MAGI1: variants seen among roughly 807,000 people sequenced by gnomAD.
MAGI1 encodes the protein membrane associated guanylate kinase, WW and PDZ domain containing 1.
In MAGI1, 58 loss-of-function variants were observed where a neutral mutation model predicts 139.9. The observed-to-expected ratio is 0.41, with a 90% CI of 0.34 to 0.52. MAGI1 has a LOEUF of 0.52. Among genes scored for constraint, MAGI1 ranks in the 20% least tolerant of loss-of-function variants. The probability of loss-of-function intolerance (pLI) is 0.12; values close to 1 mark genes in which losing one functional copy is unlikely to be tolerated. For synonymous variants in MAGI1, 812 were observed against 737.9 expected (o/e 1.10, Z -1.63); for missense variants, 1,874 against 1,901.6 (o/e 0.99, Z 0.27).
intron 6 of MAGI1, chr3:65,448,306 G>A: frequency 5.2e-6 from 3 of 577,300 alleles, no homozygotes; most frequent in Non-Finnish European, 9.3e-6. Context: ...GTCAAAATAG[G>A]ATTTGATTGG....
At chr3:65,623,849 C>T (rs913221292) in intron 1 of MAGI1, among the ~76,000 whole-genome samples, 6 of 151,892 alleles carry the variant, frequency 4.0e-5, no homozygotes, top group Non-Finnish European at 5.9e-5. Context: ...TTCAAGTCAC[C>T]GAAAGGAAAA....
At chr3:65,460,321 T>C (rs1420776173) in intron 5 of MAGI1, among the ~76,000 whole-genome samples, 1 of 152,210 alleles carries the variant, frequency 6.6e-6, no homozygotes, top group Non-Finnish European at 1.5e-5. Context: ...TTTTGTACTG[T>C]GTTTAGTTTT....
chr3:65,684,167 CAAAAAAAAAA>C (rs1163089641), intron 1 of MAGI1, among the ~76,000 whole-genome samples: 1 of 79,414 alleles, frequency 1.3e-5, no homozygotes, highest in Non-Finnish European at 2.4e-5. Flanking sequence ...GAGACTGTCT[CAAAAAAAAAA>C]AAAAAAAAAG....
intron 2 of MAGI1, among the ~76,000 whole-genome samples, chr3:65,544,030 T>C (rs963027302): frequency 3.3e-5 from 5 of 152,100 alleles, no homozygotes; most frequent in African/African-American, 9.7e-5. Flanking sequence ...CATATGAGTA[T>C]ATATGGGGAA....
intron 1 of MAGI1, among the ~76,000 whole-genome samples, chr3:65,826,888 T>C (rs548163443): frequency 3.9e-5 from 6 of 152,156 alleles, no homozygotes; most frequent in African/African-American, 1.4e-4. Context: ...CCTTTAAAAA[T>C]AAATAAAAGG....
Position 65,753,010 on chromosome 3 carries a change from C to A in MAGI1, c.314-130922G>T, listed in dbSNP as rs1291078727. Among the ~76,000 whole-genome samples, 3 of 152,306 alleles carry A rather than the reference C, an allele frequency of 2.0e-5. No homozygotes were observed. The East Asian group carries it at 5.8e-4, about 29-fold the overall frequency. On this transcript the variant is annotated intron_variant, in intron 1 of 22. Transcript: ENST00000402939. ...CTCTACTGTAATACCCCTATTACAG[C>A]AGTCCTCAGTAAAGTCTTCCTGACC...
At chr3:65,952,429 T>G (rs1017728513) in intron 1 of MAGI1, among the ~76,000 whole-genome samples, 5 of 152,232 alleles carry the variant, frequency 3.3e-5, no homozygotes, top group African/African-American at 1.2e-4. Flanking sequence ...GAGTGTATAT[T>G]TAAAAGAAAA....
At chr3:65,620,672 A>C (rs1304923531) in intron 2 of MAGI1, among the ~76,000 whole-genome samples, 2 of 152,246 alleles carry the variant, frequency 1.3e-5, no homozygotes, top group Non-Finnish European at 2.9e-5. Flanking sequence ...ATGCTAAAAG[A>C]CTAAAAGAAC....
intron 5 of MAGI1, among the ~76,000 whole-genome samples, chr3:65,453,766 A>C (rs369915371): frequency 6.6e-6 from 1 of 152,274 alleles, no homozygotes; most frequent in East Asian, 1.9e-4. Flanking sequence ...TATTTCATTC[A>C]TTATATTACA....
chr3:65,992,121 T>G (rs1185722782), intron 1 of MAGI1, among the ~76,000 whole-genome samples: 4 of 152,204 alleles, frequency 2.6e-5, no homozygotes, highest in Non-Finnish European at 5.9e-5. Flanking sequence ...AGTCGGAGTT[T>G]GGTCATGGGT....
intron 1 of MAGI1, among the ~76,000 whole-genome samples, chr3:65,631,411 A>G (rs1358408959): frequency 6.6e-6 from 1 of 152,242 alleles, no homozygotes; most frequent in African/African-American, 2.4e-5. Context: ...GTACAAAAAT[A>G]TAGTTTTAAG....
rs774743568 is a variant in MAGI1 at position 65,356,509 on chromosome 3, T to C, written c.4258A>G (p.Arg1420Gly). The C allele has an allele frequency of 3.7e-6, 6 of 1,609,806 alleles. No homozygotes were observed. In the African/African-American group the frequency reaches 5.4e-5, roughly 14 times the overall value. Residue 1420 changes from arginine to glycine, a missense_variant, in exon 23 of 23, where the codon AGA becomes GGA. This residue lies in a region of MAGI1 where 653 missense variants were observed against 644.5 expected (regional missense o/e 1.01). Transcript: ENST00000402939. ...TCTCGGTGGCTGGCTCTGTCCTCTCTGTTCCTTTTGTCCAGGGACCGCTCT... is the reference window on the plus strand; with the variant it reads ...TCTCGGTGGCTGGCTCTGTCCTCTCCGTTCCTTTTGTCCAGGGACCGCTCT... ...RRERSLDKRN[R>G]EDRASHRERE...
rs1940170277 is a variant in MAGI1, at chr3:65,355,809, T to G, written c.*569A>C. ...AGCTATAAATATCCTTCATTTGCAATAGTAGTCTTGTCATACAGTTTGCTT... is the reference window on the plus strand; with the variant it reads ...AGCTATAAATATCCTTCATTTGCAAGAGTAGTCTTGTCATACAGTTTGCTT... On this transcript the variant is annotated 3_prime_UTR_variant, in exon 23 of 23. Transcript: ENST00000402939. 2.0e-5 allele frequency: 3 copies of G among 152,644 alleles called. No homozygotes were observed. The highest frequency in any genetic ancestry group is 1.3e-4 in the Admixed American group (2 of 15,292). 9.5% of individuals were successfully genotyped at this position (152,644 alleles called of 1,614,324 possible).
chr3:65,679,954 C>T (rs2087466354), intron 1 of MAGI1, among the ~76,000 whole-genome samples: 1 of 152,120 alleles, frequency 6.6e-6, no homozygotes, highest in African/African-American at 2.4e-5. Flanking sequence ...AGGATATGGC[C>T]AAATAACTCG....
chr3:65,824,437 G>A (rs988221164), intron 1 of MAGI1, among the ~76,000 whole-genome samples: 1 of 152,118 alleles, frequency 6.6e-6, no homozygotes, highest in African/African-American at 2.4e-5. Context: ...AAAAACGAGG[G>A]GCCCAGCAGG....
At chr3:65,754,385 T>C (rs577374138) in intron 1 of MAGI1, among the ~76,000 whole-genome samples, 104 of 152,338 alleles carry the variant, frequency 6.8e-4, no homozygotes, top group Middle Eastern at 6.8e-3. Flanking sequence ...CAAGGACTTA[T>C]AGGGCACAGG....
intron 22 of MAGI1, 167 bp downstream of exon 22, chr3:65,361,032 A>G (rs1940803413): frequency 1.3e-6 from 2 of 1,498,828 alleles, no homozygotes; most frequent in Admixed American, 4.5e-5. Flanking sequence ...AAAGGATGAA[A>G]TGTGTAGAGA....
chr3:65,687,862 T>G (rs541796798), intron 1 of MAGI1: 7 of 623,142 alleles, frequency 1.1e-5, no homozygotes, highest in African/African-American at 9.2e-5. Flanking sequence ...CTTCCAAAAC[T>G]GGACCCAGAA....
chr3:65,599,000 T>G (rs1379873852), intron 2 of MAGI1, among the ~76,000 whole-genome samples: 1 of 152,240 alleles, frequency 6.6e-6, no homozygotes, highest in African/African-American at 2.4e-5. Flanking sequence ...CGCTATCCAC[T>G]GCCTTCCTTC....
Sources: gnomAD v4.1 joint callset for allele counts (sites outside exome capture counted in the v4.1 genomes callset) on GRCh38, gnomAD v4.1.1 for gene constraint, gnomAD v4.1.1 regional missense constraint, MANE v1.5 for transcripts, NCBI Gene and HGNC (gene_info 2026-07-23, HGNC 2026-07-21) for gene names.